Variants in SYT1 observed in about 807,000 individuals in gnomAD.
SYT1 encodes the protein synaptotagmin 1.
In SYT1, 8 loss-of-function variants were observed where a neutral mutation model predicts 44.8. The observed-to-expected ratio is 0.18, with a 90% confidence interval of 0.10 to 0.32. The LOEUF (loss-of-function observed/expected upper bound fraction) is 0.32, where lower values mean the gene tolerates loss of function less well. Ranked by LOEUF, SYT1 falls within the 10% of genes least tolerant of loss-of-function variation. The probability of loss-of-function intolerance (pLI) is 1.00; values close to 1 mark genes in which losing one functional copy is unlikely to be tolerated. For missense variants in SYT1, 286 were observed against 509.3 expected (o/e 0.56, Z 4.22); for synonymous variants, 154 against 188.8 (o/e 0.82, Z 1.51).
intron 8 of SYT1, among the ~76,000 whole-genome samples, chr12:79,327,582 A>T (rs985051846): frequency 2.0e-5 from 3 of 152,226 alleles, no homozygotes; most frequent in African/African-American, 7.2e-5. Context: ...CCAGCAAAGG[A>T]AATGGCTTAT....
At chr12:79,409,367 G>A (rs1526960) in intron 9 of SYT1, among the ~76,000 whole-genome samples, 28,643 of 151,960 alleles carry the variant, frequency 0.19, 3,188 homozygotes, top group East Asian at 0.51. Context: ...TTTGAAAAAA[G>A]GTATGTCTAA....
intron 4 of SYT1, among the ~76,000 whole-genome samples, chr12:79,222,918 A>G (rs1053076767): frequency 6.6e-6 from 1 of 150,820 alleles, no homozygotes; most frequent in Non-Finnish European, 1.5e-5. Flanking sequence ...CTTTCATTAT[A>G]TTTTTCTTGA....
At chr12:79,412,525 G>T (rs897453558) in intron 9 of SYT1, among the ~76,000 whole-genome samples, 1 of 152,096 alleles carries the variant, frequency 6.6e-6, no homozygotes, top group Non-Finnish European at 1.5e-5. Flanking sequence ...ATAATTGCCT[G>T]ACCATCATCT....
chr12:79,311,001 C>A (rs1176517755), intron 8 of SYT1, among the ~76,000 whole-genome samples: 4 of 152,228 alleles, frequency 2.6e-5, no homozygotes, highest in Non-Finnish European at 5.9e-5. Context: ...ATTGAATACG[C>A]TTTATTTCCT....
intron 4 of SYT1, among the ~76,000 whole-genome samples, chr12:79,261,004 C>T (rs1877800431): frequency 6.6e-6 from 1 of 152,102 alleles, no homozygotes; most frequent in Admixed American, 6.5e-5. Context: ...TCAGGGGTCA[C>T]CTCGCTGTTG....
chr12:79,417,867 G>A (rs1231166243), intron 9 of SYT1, among the ~76,000 whole-genome samples: 1 of 150,214 alleles, frequency 6.7e-6, no homozygotes, highest in Admixed American at 6.7e-5. Context: ...ATCATGTCCT[G>A]AGAATCTTGT....
chr12:79,413,071 G>T (rs914746500), intron 9 of SYT1, among the ~76,000 whole-genome samples: 1 of 152,178 alleles, frequency 6.6e-6, no homozygotes, highest in Non-Finnish European at 1.5e-5. Flanking sequence ...CTCTGGTTCT[G>T]AAGATAAGTC....
In SYT1 at chr12:79,328,824, C is replaced by T. The variant is rs376198592; in HGVS notation, c.811-24678C>T. ...TCACGCCATAGCACTCCAGCCTGGG[C>T]GACAGAGCGAGACTCCATCTCAAAA... On this transcript the variant is annotated intron_variant, in intron 8 of 10. Coordinates refer to ENST00000261205, the MANE Select transcript of SYT1 (RefSeq NM_005639.3). Among the ~76,000 whole-genome samples the T allele has an allele frequency of 3.2e-4, 47 of 145,986 alleles. 2 individuals are homozygous for T. Among genetic ancestry groups the T allele is most frequent in the East Asian group, 2.4e-3 (12 of 5,026 alleles).
chr12:79,305,643 C>T (rs1473688801), intron 8 of SYT1, among the ~76,000 whole-genome samples: 1 of 152,106 alleles, frequency 6.6e-6, no homozygotes, highest in Non-Finnish European at 1.5e-5. Context: ...AGTAATGTGT[C>T]CAAGTTTACA....
intron 3 of SYT1, among the ~76,000 whole-genome samples, chr12:79,205,932 A>G (rs1874093206): frequency 6.6e-6 from 1 of 152,104 alleles, no homozygotes; most frequent in Admixed American, 6.5e-5. Context: ...CAATACTCAT[A>G]TTTTCTCCTC....
intron 2 of SYT1, among the ~76,000 whole-genome samples, chr12:79,025,822 C>T (rs1389644720): frequency 1.3e-5 from 2 of 151,486 alleles, no homozygotes; most frequent in Non-Finnish European, 3.0e-5. Flanking sequence ...AAATACCAGA[C>T]ATTGTAACTG....
At chr12:79,421,125 A>G (rs1384038346) in intron 9 of SYT1, among the ~76,000 whole-genome samples, 2 of 152,156 alleles carry the variant, frequency 1.3e-5, no homozygotes, top group African/African-American at 2.4e-5. Context: ...TGCTTTTTTT[A>G]TTCCTGAACT....
intron 8 of SYT1, among the ~76,000 whole-genome samples, chr12:79,353,179 A>G (rs1882980845): frequency 6.6e-6 from 1 of 152,200 alleles, no homozygotes; most frequent in African/African-American, 2.4e-5. Flanking sequence ...AGAGTTTTGC[A>G]GTGCTATTCA....
At chr12:79,280,955 C>G (rs2138810749) in intron 4 of SYT1, among the ~76,000 whole-genome samples, 1 of 151,090 alleles carries the variant, frequency 6.6e-6, no homozygotes, top group Admixed American at 6.6e-5. Context: ...GAGATACCAC[C>G]TTACAGTCAG....
At chr12:79,213,269 C>A (rs1874573028) in intron 3 of SYT1, among the ~76,000 whole-genome samples, 1 of 152,028 alleles carries the variant, frequency 6.6e-6, no homozygotes, top group African/African-American at 2.4e-5. Flanking sequence ...TGTAAAATAA[C>A]CTCTTAACTA....
chr12:79,147,958 T>C (rs1375423136), intron 3 of SYT1, among the ~76,000 whole-genome samples: 1 of 152,134 alleles, frequency 6.6e-6, no homozygotes, highest in East Asian at 1.9e-4. Context: ...CAGAATAATA[T>C]AATCCACAAC....
intron 4 of SYT1, among the ~76,000 whole-genome samples, chr12:79,224,176 A>G (rs1003554783): frequency 6.6e-6 from 1 of 152,296 alleles, no homozygotes; most frequent in East Asian, 1.9e-4. Flanking sequence ...GTCCAGTTGC[A>G]TATAATTTGA....
chr12:79,229,261 T>C (rs1453349394), intron 4 of SYT1, among the ~76,000 whole-genome samples: 1 of 152,226 alleles, frequency 6.6e-6, no homozygotes, highest in Non-Finnish European at 1.5e-5. Context: ...CAAACAACTA[T>C]TTAGATATCA....
chr12:79,028,491 A>G (rs763298597), intron 2 of SYT1, among the ~76,000 whole-genome samples: 1 of 151,410 alleles, frequency 6.6e-6, no homozygotes, highest in Non-Finnish European at 1.5e-5. Flanking sequence ...CAGAGACTGT[A>G]AACACTAGGA....
Sources: allele counts gnomAD v4.1 joint callset (sites outside exome capture counted in the v4.1 genomes callset), GRCh38; gene constraint gnomAD v4.1.1; transcripts MANE v1.5; gene names NCBI Gene and HGNC (gene_info 2026-07-23, HGNC 2026-07-21).